Variants in ACAD10 observed in about 807,000 individuals in gnomAD.
The protein encoded by ACAD10 is ACAD-10.
A neutral mutation model predicts 116.8 loss-of-function variants in ACAD10; 112 were observed. The ratio of observed to expected loss-of-function variants is 0.96; its 90% confidence interval spans 0.82 to 1.12. The LOEUF (loss-of-function observed/expected upper bound fraction) is 1.12. ACAD10 is among the 50% of genes most tolerant of loss of function. The probability of loss-of-function intolerance (pLI) is 0.00; values close to 1 mark genes in which losing one functional copy is unlikely to be tolerated. For synonymous variants in ACAD10, 486 were observed against 510.6 expected (o/e 0.95, Z 0.65); for missense variants, 1,259 against 1,350.2 (o/e 0.93, Z 1.06).
At chr12:111,733,126 C>T (rs1593043424) in intron 10 of ACAD10, among the ~76,000 whole-genome samples, 1 of 152,134 alleles carries the variant, frequency 6.6e-6, no homozygotes, top group Non-Finnish European at 1.5e-5. Context: ...CTTGCACTGT[C>T]ACCCAGGCTG....
At chr12:111,734,751 CAT>C (rs1224945815) in intron 11 of ACAD10, among the ~76,000 whole-genome samples, 1 of 152,152 alleles carries the variant, frequency 6.6e-6, no homozygotes, top group East Asian at 1.9e-4. Flanking sequence ...AGTATCTATC[CAT>C]GTCATCTTTT....
At chr12:111,715,744 T>G (rs1593029262) in intron 6 of ACAD10, 77 bp from the exon 7 acceptor site, 1 of 1,593,318 alleles carries the variant, frequency 6.3e-7, no homozygotes, top group Middle Eastern at 2.0e-4. Context: ...AATGCAGAAC[T>G]CATTAGAAAG....
At chr12:111,705,573 A>G (rs943387441) in intron 3 of ACAD10, among the ~76,000 whole-genome samples, 165 bp from the exon 4 acceptor site, 4 of 152,220 alleles carry the variant, frequency 2.6e-5, no homozygotes, top group Non-Finnish European at 5.9e-5. Context: ...AGAGTTCAGC[A>G]CAGGGGCTGA....
chr12:111,710,090 CTT>C (rs762530458), intron 5 of ACAD10: 1,680 of 252,844 alleles, frequency 6.6e-3, no homozygotes, highest in South Asian at 0.013. Context: ...TTTTTCTATT[CTT>C]TTTTTTTTTT....
At chr12:111,696,311 T>A (rs1888189459) in intron 2 of ACAD10, among the ~76,000 whole-genome samples, 1 of 152,168 alleles carries the variant, frequency 6.6e-6, no homozygotes, top group African/African-American at 2.4e-5. Context: ...CCTTGGCCTC[T>A]TGAGTCATTG....
At chr12:111,755,854 C>G in intron 20 of ACAD10, 109 bp downstream of exon 20, 1 of 1,094,484 alleles carries the variant, frequency 9.1e-7, no homozygotes, top group South Asian at 1.3e-5. Context: ...TGCCCTGTGT[C>G]ACCCACTCAC....
At chr12:111,740,152 C>T (rs1402793033) in intron 12 of ACAD10, among the ~76,000 whole-genome samples, 3 of 152,048 alleles carry the variant, frequency 2.0e-5, no homozygotes, top group African/African-American at 7.2e-5. Context: ...CCTCTCTACT[C>T]CTGTGTGTCT....
chr12:111,736,876 A>T lies in ACAD10; in HGVS notation c.1586A>T (p.Glu529Val). ...ACACAGCTGGGAATCCCTGCTGCAG[A>T]GGAGTATTTCAGGATGTACTGTCTC... ...DLTQLGIPAA[E>V]EYFRMYCLQM... Residue 529 changes from glutamate (E) to valine (V), a missense_variant, in exon 12 of 21, where the codon GAG (glutamate) becomes GTG (valine). Coordinates refer to ENST00000313698, the MANE Select transcript of ACAD10 (RefSeq NM_025247.6). 1 of 1,614,158 alleles carries T rather than the reference A, an allele frequency of 6.2e-7. No individual in the cohort carries two copies. Among genetic ancestry groups the T allele is most frequent in the Non-Finnish European group, 8.5e-7 (1 of 1,180,018 alleles).
intron 2 of ACAD10, chr12:111,693,260 A>G (rs1888107403): frequency 5.0e-6 from 1 of 200,222 alleles, no homozygotes; most frequent in Admixed American, 5.5e-5. Flanking sequence ...CCACCAAGGC[A>G]GGGCACAGTG....
intron 1 of ACAD10, among the ~76,000 whole-genome samples, chr12:111,686,997 A>T (rs946092549): frequency 6.6e-6 from 1 of 152,208 alleles, no homozygotes; most frequent in Admixed American, 6.5e-5. Context: ...AAATGGAATT[A>T]TGTATATGGA....
intron 3 of ACAD10, among the ~76,000 whole-genome samples, chr12:111,704,688 CTTT>C (rs59745029): frequency 1.6e-5 from 2 of 126,142 alleles, no homozygotes; most frequent in Non-Finnish European, 3.3e-5. Context: ...TTCTTTCTTT[CTTT>C]TTTTTTTTTT....
In ACAD10 at chr12:111,736,879, A is replaced by C; in HGVS notation, c.1589A>C (p.Glu530Ala). 2 of 1,614,160 alleles carry C rather than the reference A, an allele frequency of 1.2e-6. No homozygotes were observed. The highest frequency in any genetic ancestry group is 1.7e-6 in the Non-Finnish European group (2 of 1,180,020). The change falls in exon 12 of 21, where the codon GAG becomes GCG. Residue 530 changes from glutamate (E) to alanine (A), a missense_variant. Transcript: ENST00000313698. ...LTQLGIPAAE[E>A]YFRMYCLQMG... is the part of the protein sequence containing the mutation. ...CAGCTGGGAATCCCTGCTGCAGAGG[A>C]GTATTTCAGGATGTACTGTCTCCAA...
chr12:111,730,242 C>G (rs1889347787), intron 10 of ACAD10, among the ~76,000 whole-genome samples: 1 of 152,114 alleles, frequency 6.6e-6, no homozygotes, highest in Non-Finnish European at 1.5e-5. Context: ...GTGTGACAAC[C>G]AAAAATCTTC....
rs771935027 is a variant in ACAD10, at chr12:111,729,916, C to G, written c.1354C>G (p.Pro452Ala). 2 of 1,614,156 alleles carry G rather than the reference C, an allele frequency of 1.2e-6. No homozygotes were observed. Among genetic ancestry groups the G allele is most frequent in the East Asian group, 2.2e-5 (1 of 44,882 alleles). Residue 452 changes from proline to alanine, a missense_variant, in exon 10 of 21, where the codon CCC becomes GCC. Coordinates refer to ENST00000313698, the MANE Select transcript of ACAD10 (RefSeq NM_025247.6). ...RLIEWLPLHLPRQQRTTVVHG... is the reference protein window; with the variant it reads ...RLIEWLPLHLARQQRTTVVHG... ...GATCGAATGGCTGCCCCTCCATCTT[C>G]CCCGTCAGCAGAGGACCACAGTGGT...
At chr12:111,722,974 G>A (rs1222854007) in intron 8 of ACAD10, among the ~76,000 whole-genome samples, 5 of 150,706 alleles carry the variant, frequency 3.3e-5, no homozygotes, top group South Asian at 4.2e-4. Flanking sequence ...GGGCAGAGGC[G>A]CCCCTCACCT....
intron 16 of ACAD10, among the ~76,000 whole-genome samples, chr12:111,747,895 C>G (rs183251654): frequency 1.3e-5 from 2 of 152,188 alleles, no homozygotes; most frequent in East Asian, 3.9e-4. Context: ...CGCACTCAGA[C>G]TTAGGTCCCT....
intron 1 of ACAD10, among the ~76,000 whole-genome samples, chr12:111,692,446 G>A (rs967759987): frequency 2.0e-5 from 3 of 152,222 alleles, no homozygotes; most frequent in Admixed American, 6.5e-5. Context: ...TAGATAGGGC[G>A]AGGTGAGGTA....
intron 7 of ACAD10, 84 bp from the exon 8 acceptor site, chr12:111,721,587 C>G (rs1240319077): frequency 1.6e-5 from 21 of 1,332,124 alleles, no homozygotes; most frequent in Non-Finnish European, 2.0e-5. Context: ...AACAAACAAA[C>G]AAACAAAAAA....
chr12:111,693,799 G>A (rs145196006), intron 2 of ACAD10, among the ~76,000 whole-genome samples: 1 of 152,212 alleles, frequency 6.6e-6, no homozygotes, highest in Non-Finnish European at 1.5e-5. Flanking sequence ...TTGGCTTCAA[G>A]CAGTAGAAAA....
Sources: gnomAD v4.1 joint callset for allele counts (sites outside exome capture counted in the v4.1 genomes callset) on GRCh38, gnomAD v4.1.1 for gene constraint, MANE v1.5 for transcripts, NCBI Gene and HGNC (gene_info 2026-07-23, HGNC 2026-07-21) for gene names.